FBLN1: variants seen among roughly 807,000 people sequenced by gnomAD.
The protein encoded by FBLN1 is fibulin 1, also known as fibulin-1.
FBLN1 carries 34 observed loss-of-function variants against 89.7 expected under a neutral mutation model. The observed-to-expected ratio is 0.38, with a 90% CI of 0.29 to 0.50. FBLN1 has a LOEUF of 0.50. Ranked by LOEUF, FBLN1 falls within the 20% of genes least tolerant of loss-of-function variation. The pLI is 0.92. For synonymous variants in FBLN1, 393 were observed against 391.3 expected (o/e 1.00, Z -0.05); for missense variants, 777 against 988.1 (o/e 0.79, Z 2.86).
intron 14 of FBLN1, among the ~76,000 whole-genome samples, chr22:45,559,024 A>T (rs1569256198): frequency 6.6e-6 from 1 of 152,248 alleles, no homozygotes; most frequent in Non-Finnish European, 1.5e-5. Context: ...AGATTATGAC[A>T]TGAATAAGAT....
chr22:45,594,348 A>C (rs1345120875), intron 16 of FBLN1, among the ~76,000 whole-genome samples: 3 of 152,278 alleles, frequency 2.0e-5, no homozygotes, highest in Admixed American at 1.3e-4. Flanking sequence ...GGCAGTCCCC[A>C]CCAGATGAGG....
rs1044159040 is a variant in FBLN1 at position 45,580,581 on chromosome 22, G to A, written c.1972+3473G>A. Among the ~76,000 whole-genome samples, 1 of 152,238 alleles carries A rather than the reference G, an allele frequency of 6.6e-6. No individual in the cohort carries two copies. Among genetic ancestry groups the A allele is most frequent in the African/African-American group, 2.4e-5 (1 of 41,472 alleles). On this transcript the variant is annotated intron_variant, in intron 16 of 16. Coordinates refer to ENST00000327858, the MANE Select transcript of FBLN1 (RefSeq NM_006486.3). This position sits in a 1 kb window ranked among gnomAD's most constrained non-coding sequence, Gnocchi z 8.6. The stretch of plus-strand genomic sequence containing the variant: ...CAAAGGAGAGAGCGAGAGCCAGAGA[G>A]GGCAAGAGATTTGCCCGAGGCCACT...
intron 16 of FBLN1, among the ~76,000 whole-genome samples, chr22:45,585,193 TCCAC>T (rs2089074097): frequency 6.6e-6 from 1 of 152,132 alleles, no homozygotes; most frequent in African/African-American, 2.4e-5. Context: ...GGCAGCACCA[TCCAC>T]CGGTGAGTCT....
chr22:45,562,500 G>A lies in FBLN1; in HGVS notation c.1697+11885G>A, dbSNP rs1161216320. Among the ~76,000 whole-genome samples, 1 of 152,218 alleles carries A rather than the reference G, an allele frequency of 6.6e-6. No homozygotes were observed. Among genetic ancestry groups the A allele is most frequent in the Non-Finnish European group, 1.5e-5 (1 of 68,034 alleles). The stretch of plus-strand genomic sequence containing the variant: ...AACGGCAGCAGCTCTGATTGCTAGT[G>A]GCAGAGATAGTCATTTCATGGGTCA... On this transcript the variant is annotated intron_variant, in intron 14 of 16. Coordinates refer to ENST00000327858, the MANE Select transcript of FBLN1 (RefSeq NM_006486.3). This position sits in a 1 kb window ranked among gnomAD's most constrained non-coding sequence, Gnocchi z 7.8.
intron 2 of FBLN1, among the ~76,000 whole-genome samples, chr22:45,522,170 G>T (rs2088260410): frequency 1.3e-5 from 2 of 152,204 alleles, no homozygotes; most frequent in East Asian, 3.9e-4. Flanking sequence ...ATTTTTAGTA[G>T]AGACGGGAGT....
rs752972628 is a variant in FBLN1, at chr22:45,574,685, C to T, written c.1840+32C>T. The T allele has an allele frequency of 4.4e-6, 7 of 1,604,776 alleles. No homozygotes were observed. The highest frequency in any genetic ancestry group is 4.0e-5 in the African/African-American group (3 of 74,734). Reference sequence around the variant, plus strand: ...GGGATGGGTGTGGGGGTCCCAGGGCCCCCTAGGGCCTCCCTCGGCTTCAGC... The same window carrying T: ...GGGATGGGTGTGGGGGTCCCAGGGCTCCCTAGGGCCTCCCTCGGCTTCAGC... On this transcript the variant is annotated intron_variant, in intron 15 of 16. Transcript: ENST00000327858. This position sits in a 1 kb window ranked among gnomAD's most constrained non-coding sequence, Gnocchi z 4.1.
chr22:45,593,974 C>T (rs2089161429), intron 16 of FBLN1, among the ~76,000 whole-genome samples: 1 of 152,194 alleles, frequency 6.6e-6, no homozygotes, highest in Admixed American at 6.5e-5. Context: ...TGAGCAGGTG[C>T]AGTGTTGCAG....
At chr22:45,529,022 G>C (rs1025861292) in intron 4 of FBLN1, among the ~76,000 whole-genome samples, 2 of 152,212 alleles carry the variant, frequency 1.3e-5, no homozygotes, top group African/African-American at 4.8e-5. Flanking sequence ...GGGTTGGGTA[G>C]AGCACCTGGC....
Position 45,541,208 on chromosome 22 carries a change from C to T in FBLN1, c.923-21C>T, listed in dbSNP as rs1406854878. ...CACCCTCCAGGTTTAACCACATGGT[C>T]TCTGTCTTTTCCCGCTGTAGATATC... is the stretch of plus-strand genomic sequence containing the variant. On this transcript the variant is annotated intron_variant, in intron 8 of 16. Transcript: ENST00000327858. 4 of 1,614,188 alleles carry T rather than the reference C, an allele frequency of 2.5e-6. No individual in the cohort carries two copies. In the South Asian group the frequency reaches 4.4e-5, roughly 18 times the overall value.
rs2088608666 is a variant in FBLN1, at chr22:45,545,030, C to T, written c.1321+1504C>T. 6.6e-6 allele frequency among the ~76,000 whole-genome samples: 1 copy of T among 152,216 alleles called. No homozygotes were observed. The highest frequency in any genetic ancestry group is 6.5e-5 in the Admixed American group (1 of 15,290). On this transcript the variant is annotated intron_variant, in intron 11 of 16. Coordinates refer to ENST00000327858, the MANE Select transcript of FBLN1 (RefSeq NM_006486.3). The surrounding 1 kb of genome is among the most constrained non-coding windows in gnomAD (Gnocchi z 5.9). ...GACGGCTTCTGCAGCCTGACTCAAA[C>T]ATGGCAGGTCCTAACATTTTGCCAT... is the stretch of plus-strand genomic sequence containing the variant.
intron 14 of FBLN1, among the ~76,000 whole-genome samples, chr22:45,554,319 CT>C (rs2088749150): frequency 6.6e-6 from 1 of 152,192 alleles, no homozygotes; most frequent in Admixed American, 6.5e-5. Context: ...AGAGGCCCCC[CT>C]GGGGGAGAGC....
intron 1 of FBLN1, among the ~76,000 whole-genome samples, chr22:45,506,826 C>T (rs2088027739): frequency 6.6e-6 from 1 of 152,228 alleles, no homozygotes; most frequent in African/African-American, 2.4e-5. Context: ...GGGCTCTGAG[C>T]ACTGGGCACC....
chr22:45,517,297 C>T, intron 1 of FBLN1: 1 of 311,646 alleles, frequency 3.2e-6, no homozygotes, highest in South Asian at 2.5e-5. Context: ...ACCTTCTGCC[C>T]AGCAGCTGGG....
Position 45,533,862 on chromosome 22 carries a change from A to G in FBLN1, c.748A>G (p.Thr250Ala), listed in dbSNP as rs1025624953. The change falls in exon 7 of 17, where the codon ACT (threonine) becomes GCT (alanine). Residue 250 changes from threonine to alanine, a missense_variant. By Grantham distance (58) the Thr-to-Ala change is moderately conservative. Coordinates refer to ENST00000327858, the MANE Select transcript of FBLN1 (RefSeq NM_006486.3). The part of the protein sequence containing the change: ...FRCQRDSSCG[T>A]GYELTEDNSC... ...CTGCCAGCGGGACAGCAGCTGCGGG[A>G]CTGGCTATGAGCTCACAGAGGACAA... 2 of 1,614,138 alleles carry G rather than the reference A, an allele frequency of 1.2e-6. No individual in the cohort carries two copies. Among genetic ancestry groups the G allele is most frequent in the Non-Finnish European group, 1.7e-6 (2 of 1,180,028 alleles).
intron 1 of FBLN1, among the ~76,000 whole-genome samples, chr22:45,508,484 A>G (rs2088054906): frequency 6.6e-6 from 1 of 151,856 alleles, no homozygotes; most frequent in Non-Finnish European, 1.5e-5. Flanking sequence ...AGTGGTCTCT[A>G]ACTCCTGACC....
chr22:45,592,083 G>A (rs2089142784), intron 16 of FBLN1, among the ~76,000 whole-genome samples: 1 of 152,198 alleles, frequency 6.6e-6, no homozygotes, highest in Non-Finnish European at 1.5e-5. Flanking sequence ...GTCCCCGCTG[G>A]ACGGAAACCT....
chr22:45,587,765 G>A (rs993868000), intron 16 of FBLN1, among the ~76,000 whole-genome samples: 2 of 152,120 alleles, frequency 1.3e-5, no homozygotes, highest in African/African-American at 4.8e-5. Context: ...CTCCTCTCCT[G>A]GACTGTAGCC....
Position 45,576,223 on chromosome 22 carries a change from C to G in FBLN1, c.1841-754C>G, listed in dbSNP as rs2088996070. ...CCTTTTGCAAAATGATGGGGTTTCACCAAACCACATACAAATCCTTCCCAA... is the reference window on the plus strand; with the variant it reads ...CCTTTTGCAAAATGATGGGGTTTCAGCAAACCACATACAAATCCTTCCCAA... On this transcript the variant is annotated intron_variant, in intron 15 of 16. Coordinates refer to ENST00000327858, the MANE Select transcript of FBLN1 (RefSeq NM_006486.3). The surrounding 1 kb of genome is among the most constrained non-coding windows in gnomAD (Gnocchi z 5.2). 6.6e-6 allele frequency among the ~76,000 whole-genome samples: 1 copy of G among 152,214 alleles called. No individual in the cohort carries two copies. Among genetic ancestry groups the G allele is most frequent in the African/African-American group, 2.4e-5 (1 of 41,456 alleles).
Position 45,534,292 on chromosome 22 carries a change from C to CAAAAAAAAAAAAAAAAAA in FBLN1, c.784+405_784+422dup, listed in dbSNP as rs136746. ...TTCAGGTTCTCACATGTACTTTCTACAAAAAAAAAAAAAAAAAAAAAAAAA... is the reference window on the plus strand; with the variant it reads ...TTCAGGTTCTCACATGTACTTTCTACAAAAAAAAAAAAAAAAAAAAAAAAAAAAAAAAAAAAAAAAAAA... On this transcript the variant is annotated intron_variant, in intron 7 of 16. Transcript: ENST00000327858. Among the ~76,000 whole-genome samples, 23 of 83,228 alleles carry CAAAAAAAAAAAAAAAAAA rather than the reference C, an allele frequency of 2.8e-4. 1 individual carries two copies. Among genetic ancestry groups the CAAAAAAAAAAAAAAAAAA allele is most frequent in the Non-Finnish European group, 3.6e-4 (17 of 46,772 alleles). 54.6% of individuals were successfully genotyped at this position (83,228 alleles called of 152,430 possible).
Sources: gnomAD v4.1 joint callset for allele counts (sites outside exome capture counted in the v4.1 genomes callset) on GRCh38, gnomAD v4.1.1 for gene constraint, Gnocchi (gnomAD v3.1) non-coding constraint, MANE v1.5 for transcripts, NCBI Gene and HGNC (gene_info 2026-07-23, HGNC 2026-07-21) for gene names.